Variants in SBSPON observed in about 807,000 individuals in gnomAD.
SBSPON encodes somatomedin B and thrombospondin type 1 domain containing, also known as somatomedin-B and thrombospondin type-1 domain-containing protein.
SBSPON carries 30 observed loss-of-function variants against 35.8 expected under a neutral mutation model. The observed-to-expected ratio is 0.84, with a 90% CI of 0.63 to 1.14. SBSPON has a LOEUF of 1.14. SBSPON is among the 50% of genes most tolerant of loss of function. SBSPON has a pLI of 0.00. For synonymous variants in SBSPON, 136 were observed against 135.9 expected, an observed-to-expected ratio of 1.00 and a Z score of 0.00; for missense variants, 364 against 357.7, an observed-to-expected ratio of 1.02 and a Z score of -0.14.
At chr8:73,074,179 G>A (rs974530583) in intron 2 of SBSPON, among the ~76,000 whole-genome samples, 6 of 152,100 alleles carry the variant, frequency 3.9e-5, no homozygotes, top group Admixed American at 2.6e-4. Context: ...ATTTTTTGGG[G>A]ATTCTTTAGC....
intron 1 of SBSPON, among the ~76,000 whole-genome samples, chr8:73,081,835 A>T (rs1810711349): frequency 1.3e-5 from 2 of 152,152 alleles, no homozygotes; most frequent in Non-Finnish European, 2.9e-5. Flanking sequence ...ATGAACTATG[A>T]GGGCTGAAGT....
intron 1 of SBSPON, among the ~76,000 whole-genome samples, chr8:73,089,745 T>G (rs1810897209): frequency 6.6e-6 from 1 of 152,222 alleles, no homozygotes; most frequent in Non-Finnish European, 1.5e-5. Context: ...TGTCGACCAG[T>G]GCTAAGAGCC....
In SBSPON at chr8:73,069,955, G is replaced by A. The variant is rs778361524; in HGVS notation, c.527C>T (p.Ser176Phe). 16 of 1,603,848 alleles carry A rather than the reference G, an allele frequency of 1.0e-5. No homozygotes were observed. In the South Asian group the frequency reaches 1.7e-4, roughly 17 times the overall value. ...TTCCAGAGCACAGTGAGGAGTCAAG[G>A]ACTCTGTCTTAAACTCCATACAGTA... ...AGYCMEFKTESLTPHCALENW... is the reference protein window; with the variant it reads ...AGYCMEFKTEFLTPHCALENW... The change falls in exon 4 of 5, where the codon TCC becomes TTC. Residue 176 changes from serine (S) to phenylalanine (F), a missense_variant. Coordinates refer to ENST00000297354, the MANE Select transcript of SBSPON (RefSeq NM_153225.4).
At chr8:73,080,454 G>A (rs1810674683) in intron 2 of SBSPON, among the ~76,000 whole-genome samples, 1 of 152,146 alleles carries the variant, frequency 6.6e-6, no homozygotes, top group African/African-American at 2.4e-5. Context: ...GGCAGAGCTT[G>A]CAGTGAGCCG....
At chr8:73,087,334 T>C (rs1810850924) in intron 1 of SBSPON, among the ~76,000 whole-genome samples, 2 of 152,148 alleles carry the variant, frequency 1.3e-5, no homozygotes, top group African/African-American at 4.8e-5. Flanking sequence ...GAGACCAAAA[T>C]GAGGACTAAC....
chr8:73,069,057 A>G (rs1349448008), intron 4 of SBSPON, among the ~76,000 whole-genome samples: 1 of 152,218 alleles, frequency 6.6e-6, no homozygotes, highest in Non-Finnish European at 1.5e-5. Flanking sequence ...AGTCAAAAAT[A>G]TCTACTCTCT....
intron 2 of SBSPON, among the ~76,000 whole-genome samples, chr8:73,078,045 A>G (rs1302963566): frequency 3.9e-5 from 6 of 152,216 alleles, no homozygotes; most frequent in African/African-American, 1.4e-4. Flanking sequence ...TAGGTGACCC[A>G]GCTATGACAG....
chr8:73,085,377 A>G (rs1003900198), intron 1 of SBSPON: 3 of 151,688 alleles, frequency 2.0e-5, no homozygotes, highest in Non-Finnish European at 2.9e-5. Flanking sequence ...ACAAAATGGC[A>G]TTTCCTTTCA....
intron 1 of SBSPON, among the ~76,000 whole-genome samples, chr8:73,092,445 G>A (rs1055064866): frequency 5.3e-5 from 8 of 152,196 alleles, no homozygotes; most frequent in Admixed American, 5.2e-4. Flanking sequence ...AAAGATCCCC[G>A]AGGGTTGACA....
In SBSPON at chr8:73,091,307, C is replaced by T. The variant is rs181414597; in HGVS notation, c.214+1547G>A. ...TTGAATTCCTTGGGTCTTTTAAGTG[C>T]TTCCTTCCAGGTCAGCTCCTGGATC... On this transcript the variant is annotated intron_variant, in intron 1 of 4. Coordinates refer to ENST00000297354, the MANE Select transcript of SBSPON (RefSeq NM_153225.4). 3.3e-3 allele frequency among the ~76,000 whole-genome samples: 508 copies of T among 152,342 alleles called. 4 individuals are homozygous for T. Among genetic ancestry groups the T allele is most frequent in the African/African-American group, 0.012 (482 of 41,582 alleles).
At chr8:73,071,675 G>A (rs1745442112) in intron 3 of SBSPON, 105 bp downstream of exon 3, 4 of 677,640 alleles carry the variant, frequency 5.9e-6, no homozygotes, top group South Asian at 5.8e-5. Context: ...AAGTCAAAGA[G>A]CAAGTAGAAA....
intron 1 of SBSPON, among the ~76,000 whole-genome samples, chr8:73,086,660 G>A (rs1029946538): frequency 1.1e-5 from 1 of 88,234 alleles, no homozygotes; most frequent in Non-Finnish European, 2.3e-5. Flanking sequence ...TTTTCCTTTT[G>A]AGACATTTAC....
At chr8:73,088,077 A>G (rs1810867846) in intron 1 of SBSPON, among the ~76,000 whole-genome samples, 1 of 152,220 alleles carries the variant, frequency 6.6e-6, no homozygotes, top group Admixed American at 6.5e-5. Flanking sequence ...AACTCATGCC[A>G]TTGTCATAAG....
At position 73,092,864 on chromosome 8, in the gene SBSPON, C is replaced by T; in HGVS notation, c.204G>A (p.Arg68=). The part of the protein sequence containing the change: ...FTGDCCFDYD[R]ACPARPCFVG... Reference sequence around the variant, plus strand: ...GGCCTGACCACCCACCTGGGCACGCCCTGTCGTAGTCGAAGCAGCAGTCCC... The same window carrying T: ...GGCCTGACCACCCACCTGGGCACGCTCTGTCGTAGTCGAAGCAGCAGTCCC... The change falls in exon 1 of 5, where the codon AGG becomes AGA. Residue 68 remains arginine, a synonymous_variant. Transcript: ENST00000297354. 1.2e-6 allele frequency: 2 copies of T among 1,610,792 alleles called. No homozygotes were observed. Among genetic ancestry groups the T allele is most frequent in the Non-Finnish European group, 1.7e-6 (2 of 1,178,972 alleles).
In SBSPON at chr8:73,093,104, C is replaced by A; in HGVS notation, c.-37G>T. 8.4e-7 allele frequency: 1 copy of A among 1,194,256 alleles called. No individual in the cohort carries two copies. The highest frequency in any genetic ancestry group is 2.6e-5 in the South Asian group (1 of 37,832). The allele number at this position is 1,194,256 out of a possible 1,614,324, so 74.0% of individuals were successfully genotyped here. A position where few individuals can be genotyped will look rare whatever the true frequency, so the allele number is the denominator to read the frequency against. Reference sequence around the variant, plus strand: ...CGGCGGCGCCTGCGACGCGACAGACCCCCGGGGCAAGCGCTCTGATCCTCG... The same window carrying A: ...CGGCGGCGCCTGCGACGCGACAGACACCCGGGGCAAGCGCTCTGATCCTCG... On this transcript the variant is annotated 5_prime_UTR_variant, in exon 1 of 5. Coordinates refer to ENST00000297354, the MANE Select transcript of SBSPON (RefSeq NM_153225.4).
rs111363880 is a variant in SBSPON at position 73,090,989 on chromosome 8, G to T, written c.214+1865C>A. Reference sequence around the variant, plus strand: ...ACAGGGTTTTCCAATTCCTGGGAGCGCTGTCAGGTCTCACTAGAAAGCAAG... The same window carrying T: ...ACAGGGTTTTCCAATTCCTGGGAGCTCTGTCAGGTCTCACTAGAAAGCAAG... On this transcript the variant is annotated intron_variant, in intron 1 of 4. Transcript: ENST00000297354. 4.9e-3 allele frequency among the ~76,000 whole-genome samples: 746 copies of T among 152,262 alleles called. 4 individuals carry two copies. The highest frequency in any genetic ancestry group is 0.014 in the South Asian group (69 of 4,822).
chr8:73,079,004 A>G (rs556716663), intron 2 of SBSPON, among the ~76,000 whole-genome samples: 3 of 152,186 alleles, frequency 2.0e-5, no homozygotes, highest in African/African-American at 7.2e-5. Context: ...CATGTTACAT[A>G]AAAGAGCCAA....
At chr8:73,090,449 G>T (rs1279071551) in intron 1 of SBSPON, among the ~76,000 whole-genome samples, 1 of 152,248 alleles carries the variant, frequency 6.6e-6, no homozygotes, top group Non-Finnish European at 1.5e-5. Context: ...CGGGAGGCAG[G>T]CGGTGACCGC....
chr8:73,070,264 G>A (rs1178949015), intron 3 of SBSPON, among the ~76,000 whole-genome samples: 1 of 152,170 alleles, frequency 6.6e-6, no homozygotes, highest in African/African-American at 2.4e-5. Flanking sequence ...CCTGTATCCT[G>A]TCTAATCAGA....
Sources: gnomAD v4.1 joint callset for allele counts (sites outside exome capture counted in the v4.1 genomes callset) on GRCh38, gnomAD v4.1.1 for gene constraint, MANE v1.5 for transcripts, NCBI Gene and HGNC (gene_info 2026-07-23, HGNC 2026-07-21) for gene names.